The following LRP2 variants were observed in gnomAD, a reference collection of about 807,000 sequenced individuals.
LRP2 encodes LDL receptor related protein 2, also known as low-density lipoprotein receptor-related protein 2.
Under a neutral mutation model 531.0 loss-of-function variants are expected in LRP2, and 172 were observed. The observed-to-expected ratio is 0.32, with a 90% CI of 0.29 to 0.37. The LOEUF (loss-of-function observed/expected upper bound fraction) is 0.37, where lower values mean the gene tolerates loss of function less well. Ranked by LOEUF, LRP2 falls within the 10% of genes least tolerant of loss-of-function variation. The pLI, the probability that LRP2 is intolerant of heterozygous loss-of-function variation, is 1.00. For missense variants in LRP2, 5,167 were observed against 5,868.3 expected (o/e 0.88, Z 3.90); for synonymous variants, 1,992 against 2,027.6 (o/e 0.98, Z 0.47).
At chr2:169,316,388 A>T (rs1286003509) in intron 3 of LRP2, among the ~76,000 whole-genome samples, 1 of 152,142 alleles carries the variant, frequency 6.6e-6, no homozygotes, top group Non-Finnish European at 1.5e-5. Context: ...TTTCTTCTTC[A>T]TCTAATAAAA....
At chr2:169,180,437 G>A (rs1183101626) in intron 52 of LRP2, among the ~76,000 whole-genome samples, 1 of 152,236 alleles carries the variant, frequency 6.6e-6, no homozygotes, top group Non-Finnish European at 1.5e-5. Flanking sequence ...ATTCTGCAAT[G>A]AGAATGCTAA....
chr2:169,362,347 G>A lies in LRP2; in HGVS notation c.53C>T (p.Ala18Val), dbSNP rs1348031583. 7.6e-6 allele frequency: 12 copies of A among 1,569,138 alleles called. No individual in the cohort carries two copies. The African/African-American group carries it at 9.5e-5, about 12-fold the overall frequency. ...TTGGCCACTGGCCGGCGCTAGGCAGGCGACGAGAGCCAGGAGCAGCGTGCA... is the reference window on the plus strand; with the variant it reads ...TTGGCCACTGGCCGGCGCTAGGCAGACGACGAGAGCCAGGAGCAGCGTGCA... ...VACTLLLALV[A>V]CLAPASGQEC... is the part of the protein sequence containing the mutation. The change falls in exon 1 of 79, where the codon GCC (alanine) becomes GTC (valine). Residue 18 changes from alanine (A) to valine (V), a missense_variant. Coordinates refer to ENST00000649046, the MANE Select transcript of LRP2 (RefSeq NM_004525.3).
chr2:169,259,606 T>C (rs750730335), intron 16 of LRP2, among the ~76,000 whole-genome samples: 12 of 151,924 alleles, frequency 7.9e-5, no homozygotes, highest in Non-Finnish European at 1.5e-4. Flanking sequence ...CACCACCAGG[T>C]ACGACCTGAG....
At chr2:169,200,992 A>T (rs905030520) in intron 44 of LRP2, among the ~76,000 whole-genome samples, 68 of 152,226 alleles carry the variant, frequency 4.5e-4, no homozygotes, top group African/African-American at 1.6e-3. Context: ...CACCTCTGAA[A>T]TACTCTTACC....
intron 40 of LRP2, 152 bp downstream of exon 40, chr2:169,205,871 C>G: frequency 9.0e-7 from 1 of 1,114,678 alleles, no homozygotes; most frequent in East Asian, 2.5e-5. Flanking sequence ...CCCTCCTTCC[C>G]ACGTAAAATC....
At chr2:169,288,899 G>A (rs1683927299) in intron 9 of LRP2, 127 bp downstream of exon 9, 14 of 1,423,544 alleles carry the variant, frequency 9.8e-6, no homozygotes, top group Non-Finnish European at 1.4e-5. Context: ...TGTGAGGTCT[G>A]GGTTGCTCTT....
intron 34 of LRP2, among the ~76,000 whole-genome samples, chr2:169,217,812 T>C (rs1267665114): frequency 3.3e-5 from 5 of 152,206 alleles, no homozygotes; most frequent in Admixed American, 3.3e-4. Flanking sequence ...ATCAATTATT[T>C]CTTCATCCTT....
chr2:169,246,613 C>T, intron 21 of LRP2, 92 bp downstream of exon 21: 3 of 1,423,622 alleles, frequency 2.1e-6, no homozygotes, highest in South Asian at 1.2e-5. Context: ...ATATTTTTCC[C>T]ATATAAATAG....
chr2:169,225,383 G>A lies in LRP2; in HGVS notation c.5465C>T (p.Pro1822Leu), dbSNP rs1194861044. 5.0e-6 allele frequency: 8 copies of A among 1,613,982 alleles called. No individual in the cohort carries two copies. The South Asian group carries it at 8.8e-5, about 18-fold the overall frequency. ...CCAATCTAAGGCCAGGTTCATAGAAGGCCCCACCATAGATATAGAAGCAAA... is the reference window on the plus strand; with the variant it reads ...CCAATCTAAGGCCAGGTTCATAGAAAGCCCCACCATAGATATAGAAGCAAA... ...TVFASISMVGPSMNLALDWIS... is the reference protein window; with the variant it reads ...TVFASISMVGLSMNLALDWIS... The change falls in exon 33 of 79, where the codon CCT becomes CTT. Residue 1822 changes from proline (P) to leucine (L), a missense_variant. Pro to Leu is a moderately conservative substitution (Grantham distance 98, BLOSUM62 -3). Transcript: ENST00000649046.
Position 169,257,082 on chromosome 2 carries a change from G to A in LRP2, c.2639+42C>T, listed in dbSNP as rs749185438. 8.1e-6 allele frequency: 13 copies of A among 1,609,650 alleles called. No individual in the cohort carries two copies. The Admixed American group carries it at 1.3e-4, about 17-fold the overall frequency. ...AACCTGCCTCATTATGTGTTCTGCAGTAAAAGAGAACTAAGTATCGGGGAT... is the reference window on the plus strand; with the variant it reads ...AACCTGCCTCATTATGTGTTCTGCAATAAAAGAGAACTAAGTATCGGGGAT... On this transcript the variant is annotated intron_variant, in intron 18 of 78. Coordinates refer to ENST00000649046, the MANE Select transcript of LRP2 (RefSeq NM_004525.3).
intron 1 of LRP2, among the ~76,000 whole-genome samples, chr2:169,354,026 A>G (rs1291871558): frequency 2.0e-5 from 3 of 152,088 alleles, no homozygotes; most frequent in Admixed American, 6.5e-5. Flanking sequence ...AAAATAAACG[A>G]TTTTGATTTT....
chr2:169,242,530 T>A (rs1023264149), intron 24 of LRP2, among the ~76,000 whole-genome samples: 22 of 151,602 alleles, frequency 1.5e-4, no homozygotes, highest in Admixed American at 5.9e-4. Context: ...GCACAAAGAA[T>A]GAATTCATCA....
Position 169,206,196 on chromosome 2 carries a change from C to A in LRP2, c.7391-8G>T. 24 of 1,614,162 alleles carry A rather than the reference C, an allele frequency of 1.5e-5. No individual in the cohort carries two copies. The highest frequency in any genetic ancestry group is 2.0e-5 in the Non-Finnish European group (24 of 1,180,002). On this transcript the variant is annotated splice_polypyrimidine_tract_variant and splice_region_variant and intron_variant, in intron 39 of 78. Coordinates refer to ENST00000649046, the MANE Select transcript of LRP2 (RefSeq NM_004525.3). ...CATCAGCAGTCCCTATACCTGGACA[C>A]ATACAGGCAGACACACACACAAGCA...
At chr2:169,162,628 A>G (rs766804270) in intron 62 of LRP2, 28 bp from the exon 63 acceptor site, 23 of 1,613,268 alleles carry the variant, frequency 1.4e-5, no homozygotes, top group Admixed American at 3.3e-5. Context: ...GTTAAAATCA[A>G]AACTTTTTCT....
chr2:169,170,339 G>T (rs891706573), intron 59 of LRP2, among the ~76,000 whole-genome samples: 16 of 152,112 alleles, frequency 1.1e-4, no homozygotes, highest in African/African-American at 3.9e-4. Context: ...AAAATTCCTT[G>T]CTATTTTCCT....
rs1191400022 is a variant in LRP2, at chr2:169,213,718, G to T, written c.5979C>A (p.Asn1993Lys). Reference protein sequence around the residue: ...IERVDKATGANKIVLRDNVPN... With the variant: ...IERVDKATGAKKIVLRDNVPN... ...GAACATTATCTCTCAAGACTATTTT[G>T]TTGGCCCCAGTGGCCTTATCAACTC... Residue 1993 changes from asparagine to lysine, a missense_variant, in exon 36 of 79, where the codon AAC becomes AAA. By Grantham distance (94) the Asn-to-Lys change is moderately conservative. Around this residue, in one of 6 missense-constraint regions of LRP2, gnomAD observed 2,811 missense variants for 3,058.0 expected, o/e 0.92. Coordinates refer to ENST00000649046, the MANE Select transcript of LRP2 (RefSeq NM_004525.3). The T allele has an allele frequency of 8.1e-6, 13 of 1,613,682 alleles. No homozygotes were observed. Among genetic ancestry groups the T allele is most frequent in the Admixed American group, 1.7e-5 (1 of 59,968 alleles).
intron 19 of LRP2, among the ~76,000 whole-genome samples, chr2:169,254,404 A>G (rs1359199066): frequency 1.3e-5 from 1 of 76,320 alleles, no homozygotes. Context: ...CAAAAAACCA[A>G]ACACTGCATA....
At chr2:169,351,433 G>C (rs1685845225) in intron 1 of LRP2, among the ~76,000 whole-genome samples, 1 of 152,118 alleles carries the variant, frequency 6.6e-6, no homozygotes, top group African/African-American at 2.4e-5. Context: ...AGAGGTGAGA[G>C]GGAATGAGAT....
At chr2:169,219,258 C>T (rs780055132) in intron 34 of LRP2, among the ~76,000 whole-genome samples, 1 of 152,166 alleles carries the variant, frequency 6.6e-6, no homozygotes. Flanking sequence ...ATACAAATTA[C>T]TTCTTCAGTG....
Sources: allele counts gnomAD v4.1 joint callset (sites outside exome capture counted in the v4.1 genomes callset), GRCh38; gene constraint gnomAD v4.1.1; regional missense constraint gnomAD v4.1.1; transcripts MANE v1.5; gene names NCBI Gene and HGNC (gene_info 2026-07-23, HGNC 2026-07-21).